STAMBP: variants seen among roughly 807,000 people sequenced by gnomAD.
STAMBP encodes STAM-binding protein.
Under a neutral mutation model 50.7 loss-of-function variants are expected in STAMBP, and 31 were observed. That is an observed-to-expected ratio of 0.61 (90% CI 0.46 to 0.83). The LOEUF (loss-of-function observed/expected upper bound fraction) is 0.83. Among genes scored for constraint, STAMBP ranks in the 40% least tolerant of loss-of-function variants. The probability of loss-of-function intolerance (pLI) is 0.00; values close to 1 mark genes in which losing one functional copy is unlikely to be tolerated. For missense variants in STAMBP, 472 were observed against 518.9 expected (o/e 0.91, Z 0.88); for synonymous variants, 211 against 192.4 (o/e 1.10, Z -0.80).
At chr2:73,834,665 G>C (rs141412854) in intron 2 of STAMBP, among the ~76,000 whole-genome samples, 2 of 152,106 alleles carry the variant, frequency 1.3e-5, no homozygotes, top group Admixed American at 1.3e-4. Flanking sequence ...GTCGAAATAA[G>C]GAAAATACTT....
rs1266903925 is a variant in STAMBP, at chr2:73,830,924, G to A, written c.68G>A (p.Ser23Asn). The A allele has an allele frequency of 3.7e-6, 6 of 1,614,116 alleles. No homozygotes were observed. The highest frequency in any genetic ancestry group is 1.7e-6 in the Non-Finnish European group (2 of 1,180,030). Residue 23 changes from serine to asparagine, a missense_variant, in exon 2 of 10, where the codon AGT (serine) becomes AAT (asparagine). Coordinates refer to ENST00000394070, the MANE Select transcript of STAMBP (RefSeq NM_213622.4). ...GTGAGGGCTCTCTCCCAGCTGGGTA[G>A]TGCGGTAGAGGTGAATGAAGACATT... ...DRVRALSQLGSAVEVNEDIPP... is the reference protein window; with the variant it reads ...DRVRALSQLGNAVEVNEDIPP...
chr2:73,859,150 G>T (rs1234494151), intron 7 of STAMBP, 104 bp from the exon 8 acceptor site: 2 of 780,006 alleles, frequency 2.6e-6, no homozygotes, highest in African/African-American at 1.7e-5. Context: ...TTTTCAGATT[G>T]CAGTTGATAT....
rs1329313485 is a variant in STAMBP at position 73,867,046 on chromosome 2, T to C, written c.*4787T>C. ...ATCATCCTGTTTGTTTATTGCTAGCTTATGTGTCTAAAGTATACTCCTTGA... is the reference window on the plus strand; with the variant it reads ...ATCATCCTGTTTGTTTATTGCTAGCCTATGTGTCTAAAGTATACTCCTTGA... On this transcript the variant is annotated 3_prime_UTR_variant, in exon 10 of 10. Coordinates refer to ENST00000394070, the MANE Select transcript of STAMBP (RefSeq NM_213622.4). 6.6e-6 allele frequency: 1 copy of C among 152,244 alleles called. No homozygotes were observed. Among genetic ancestry groups the C allele is most frequent in the Non-Finnish European group, 1.5e-5 (1 of 68,056 alleles). The allele number at this position is 152,244 out of a possible 1,614,324, so 9.4% of individuals were successfully genotyped here.
intron 2 of STAMBP, among the ~76,000 whole-genome samples, chr2:73,834,092 C>T (rs1674282965): frequency 6.7e-6 from 1 of 149,708 alleles, no homozygotes; most frequent in African/African-American, 2.5e-5. Context: ...GTGCCTGTAA[C>T]CCCAGCCACT....
At chr2:73,838,126 A>G (rs976496804) in intron 2 of STAMBP, among the ~76,000 whole-genome samples, 8 of 152,250 alleles carry the variant, frequency 5.3e-5, no homozygotes, top group Non-Finnish European at 1.0e-4. Context: ...GTGAATGGAC[A>G]GTAAGAAAGT....
rs987264993 is a variant in STAMBP, at chr2:73,835,008, G to A, written c.203+3949G>A. Reference sequence around the variant, plus strand: ...TGGTAAGGAGTCTGTTTTTTATCTTGAGGGTAACAGCAAGCCATTGAAAAG... The same window carrying A: ...TGGTAAGGAGTCTGTTTTTTATCTTAAGGGTAACAGCAAGCCATTGAAAAG... On this transcript the variant is annotated intron_variant, in intron 2 of 9. Transcript: ENST00000394070. 5.3e-5 allele frequency among the ~76,000 whole-genome samples: 8 copies of A among 152,242 alleles called. No homozygotes were observed. The Middle Eastern group carries it at 0.01, about 194-fold the overall frequency.
At chr2:73,832,840 C>G (rs958387568) in intron 2 of STAMBP, among the ~76,000 whole-genome samples, 7 of 152,188 alleles carry the variant, frequency 4.6e-5, no homozygotes, top group African/African-American at 1.7e-4. Flanking sequence ...AGAACCAGTG[C>G]TCCAAAGGAA....
intron 7 of STAMBP, among the ~76,000 whole-genome samples, chr2:73,853,396 T>C (rs1435439153): frequency 6.6e-6 from 1 of 152,190 alleles, no homozygotes; most frequent in Non-Finnish European, 1.5e-5. Context: ...TGATGAAATA[T>C]AACACATGTA....
Position 73,859,242 on chromosome 2 carries a change from T to C in STAMBP, c.1006-12T>C, listed in dbSNP as rs1373419520. On this transcript the variant is annotated splice_polypyrimidine_tract_variant and intron_variant, in intron 7 of 9. Coordinates refer to ENST00000394070, the MANE Select transcript of STAMBP (RefSeq NM_213622.4). ...CTCGCTAAGAGTCCTCTGACTCTTT[T>C]TCTCTCCTCAGACTCACCCCACACA... is the stretch of plus-strand genomic sequence containing the variant. The C allele has an allele frequency of 1.2e-6, 2 of 1,610,176 alleles. No homozygotes were observed. Among genetic ancestry groups the C allele is most frequent in the Non-Finnish European group, 8.5e-7 (1 of 1,176,392 alleles).
intron 9 of STAMBP, 112 bp from the exon 10 acceptor site, chr2:73,862,091 C>G: frequency 1.3e-6 from 1 of 758,622 alleles, no homozygotes; most frequent in East Asian, 3.5e-5. Flanking sequence ...GAGCCGAGAT[C>G]GTGCCACTGC....
chr2:73,845,303 T>G (rs1393334911), intron 4 of STAMBP, 41 bp downstream of exon 4: 1 of 1,373,002 alleles, frequency 7.3e-7, no homozygotes, highest in African/African-American at 1.4e-5. Context: ...TTTTGCTTTT[T>G]TAGGCTGTGC....
At chr2:73,831,684 T>G (rs533995276) in intron 2 of STAMBP, among the ~76,000 whole-genome samples, 11 of 152,216 alleles carry the variant, frequency 7.2e-5, no homozygotes, top group Non-Finnish European at 1.6e-4. Flanking sequence ...GAAATAATGT[T>G]AAAGGTCTTA....
intron 2 of STAMBP, among the ~76,000 whole-genome samples, chr2:73,834,029 G>A (rs1674273647): frequency 1.3e-5 from 2 of 150,824 alleles, no homozygotes; most frequent in African/African-American, 4.9e-5. Context: ...TCGTCAACAT[G>A]GTGAAACCCC....
chr2:73,861,551 G>T (rs1678320625), intron 9 of STAMBP, among the ~76,000 whole-genome samples: 1 of 151,772 alleles, frequency 6.6e-6, no homozygotes, highest in Non-Finnish European at 1.5e-5. Flanking sequence ...ACAGAGTCTC[G>T]CTCTGTTGCC....
At chr2:73,854,171 A>G (rs894785187) in intron 7 of STAMBP, among the ~76,000 whole-genome samples, 9 of 152,240 alleles carry the variant, frequency 5.9e-5, no homozygotes, top group African/African-American at 2.2e-4. Flanking sequence ...CTCCAAGACA[A>G]GATTGAATGA....
At chr2:73,861,428 A>G (rs939125014) in intron 9 of STAMBP, among the ~76,000 whole-genome samples, 1 of 152,162 alleles carries the variant, frequency 6.6e-6, no homozygotes, top group African/African-American at 2.4e-5. Flanking sequence ...GACTCTTACC[A>G]CAACTACCAC....
At chr2:73,836,764 C>T (rs748708434) in intron 2 of STAMBP, among the ~76,000 whole-genome samples, 29 of 152,208 alleles carry the variant, frequency 1.9e-4, no homozygotes, top group Non-Finnish European at 3.7e-4. Flanking sequence ...TTAGGCCCTG[C>T]GGCCAGAGGC....
chr2:73,844,051 T>A (rs895104764), intron 2 of STAMBP, among the ~76,000 whole-genome samples: 1 of 152,252 alleles, frequency 6.6e-6, no homozygotes, highest in Non-Finnish European at 1.5e-5. Context: ...CCACTTTCTT[T>A]CTGTGACAGG....
At chr2:73,836,806 CTG>C (rs1194403026) in intron 2 of STAMBP, among the ~76,000 whole-genome samples, 1 of 152,174 alleles carries the variant, frequency 6.6e-6, no homozygotes, top group African/African-American at 2.4e-5. Context: ...TGCATGCACA[CTG>C]GGGAGGGGCT....
Sources: gnomAD v4.1 joint callset for allele counts (sites outside exome capture counted in the v4.1 genomes callset) on GRCh38, gnomAD v4.1.1 for gene constraint, MANE v1.5 for transcripts, NCBI Gene and HGNC (gene_info 2026-07-23, HGNC 2026-07-21) for gene names.